TRPV4: variants seen among roughly 807,000 people sequenced by gnomAD.
The protein encoded by TRPV4 is OSM9-like transient receptor potential channel 4.
A neutral mutation model predicts 84.1 loss-of-function variants in TRPV4; 58 were observed. That is an observed-to-expected ratio of 0.69 (90% CI 0.56 to 0.86). The LOEUF (loss-of-function observed/expected upper bound fraction) is 0.86, where lower values mean the gene tolerates loss of function less well. TRPV4 is among the 40% of genes least tolerant of loss of function. The pLI, the probability that TRPV4 is intolerant of heterozygous loss-of-function variation, is 0.00. For missense variants in TRPV4, 879 were observed against 1,181.1 expected (o/e 0.74, Z 3.75); for synonymous variants, 489 against 500.9 (o/e 0.98, Z 0.32).
chr12:109,814,444 C>A lies in TRPV4; in HGVS notation c.353G>T (p.Ser118Ile), dbSNP rs1169923733. Reference protein sequence around the residue: ...FDYGTYRHHSSDNKRWRKKII... With the variant: ...FDYGTYRHHSIDNKRWRKKII... Reference sequence around the variant, plus strand: ...CTTCTTCCTCCACCTCTTGTTGTCACTGGAGTGGTGACGATAGGTGCCGTA... The same window carrying A: ...CTTCTTCCTCCACCTCTTGTTGTCAATGGAGTGGTGACGATAGGTGCCGTA... The change falls in exon 2 of 16, where the codon AGT (serine) becomes ATT (isoleucine). Residue 118 changes from serine (S) to isoleucine (I), a missense_variant. Around this residue, in one of 4 missense-constraint regions of TRPV4, gnomAD observed 521 missense variants for 686.6 expected, o/e 0.76. Transcript: ENST00000261740. This position sits in a 1 kb window ranked among gnomAD's most constrained non-coding sequence, Gnocchi z 5.4. 2 of 1,614,154 alleles carry A rather than the reference C, an allele frequency of 1.2e-6. No individual in the cohort carries two copies. Among genetic ancestry groups the A allele is most frequent in the Non-Finnish European group, 1.7e-6 (2 of 1,180,012 alleles).
At position 109,796,151 on chromosome 12, in the gene TRPV4, C is replaced by T. The variant is rs1890383636; in HGVS notation, c.1332+374G>A. Among the ~76,000 whole-genome samples the T allele has an allele frequency of 6.6e-6, 1 of 152,136 alleles. No individual in the cohort carries two copies. Among genetic ancestry groups the T allele is most frequent in the African/African-American group, 2.4e-5 (1 of 41,414 alleles). On this transcript the variant is annotated intron_variant, in intron 7 of 15. Transcript: ENST00000261740. This position sits in a 1 kb window ranked among gnomAD's most constrained non-coding sequence, Gnocchi z 4.2. ...CTGTGCCAAGCCATTCTAAAATTAA[C>T]CTCTTTGGTCCTCCCAAGAACCCCA...
At chr12:109,829,930 C>G (rs909503982) in intron 1 of TRPV4, among the ~76,000 whole-genome samples, 17 of 152,364 alleles carry the variant, frequency 1.1e-4, no homozygotes, top group African/African-American at 4.1e-4. Flanking sequence ...ATCCTCCCAC[C>G]TCAGCCTCTC....
intron 7 of TRPV4, 146 bp from the exon 8 acceptor site, chr12:109,794,633 GA>G: frequency 2.3e-6 from 2 of 856,908 alleles, no homozygotes. Flanking sequence ...ACGGATTCAT[GA>G]ATGGATTCAG....
Position 109,796,826 on chromosome 12 carries a change from C to T in TRPV4, c.1153-122G>A, listed in dbSNP as rs1198319062. 1.4e-5 allele frequency: 14 copies of T among 988,522 alleles called. No homozygotes were observed. The highest frequency in any genetic ancestry group is 2.0e-5 in the Non-Finnish European group (14 of 690,320). 61.2% of individuals were successfully genotyped at this position (988,522 alleles called of 1,614,324 possible). A position where few individuals can be genotyped will look rare whatever the true frequency, so the allele number is the denominator to read the frequency against. On this transcript the variant is annotated intron_variant, in intron 6 of 15. Transcript: ENST00000261740. This position sits in a 1 kb window ranked among gnomAD's most constrained non-coding sequence, Gnocchi z 4.2. ...AGCACCGGCTGCTGGAGGACCCTTTCCTCATCTTGTTTAATTCTTGCTCTT... is the reference window on the plus strand; with the variant it reads ...AGCACCGGCTGCTGGAGGACCCTTTTCTCATCTTGTTTAATTCTTGCTCTT...
At chr12:109,823,356 G>A (rs1892163451) in intron 1 of TRPV4, among the ~76,000 whole-genome samples, 1 of 152,226 alleles carries the variant, frequency 6.6e-6, no homozygotes, top group Admixed American at 6.5e-5. Flanking sequence ...GCCCCACGGA[G>A]GGCAAGGCCA....
chr12:109,817,086 G>A (rs1350678069), intron 1 of TRPV4, among the ~76,000 whole-genome samples: 1 of 152,136 alleles, frequency 6.6e-6, no homozygotes, highest in African/African-American at 2.4e-5. Context: ...CTGGAGACAC[G>A]AAGTCCTTTC....
chr12:109,807,105 C>G (rs1891189513), intron 3 of TRPV4, among the ~76,000 whole-genome samples: 1 of 151,854 alleles, frequency 6.6e-6, no homozygotes, highest in Non-Finnish European at 1.5e-5. Flanking sequence ...GGAGCGACCC[C>G]GTCTCTACTA....
intron 15 of TRPV4, 34 bp downstream of exon 15, chr12:109,784,282 T>C: frequency 1.2e-6 from 2 of 1,613,908 alleles, no homozygotes. Flanking sequence ...GAGAATGGAC[T>C]GGGGCTCCCC....
At position 109,794,038 on chromosome 12, in the gene TRPV4, G is replaced by T. The variant is rs1451614664; in HGVS notation, c.1492-16C>A. ...GGTACGGCGGCTGGGGAGCAGCAAGGGCACACAGGTCGTCACCCAGCCCCT... is the reference window on the plus strand; with the variant it reads ...GGTACGGCGGCTGGGGAGCAGCAAGTGCACACAGGTCGTCACCCAGCCCCT... On this transcript the variant is annotated splice_polypyrimidine_tract_variant and intron_variant, in intron 8 of 15. Coordinates refer to ENST00000261740, the MANE Select transcript of TRPV4 (RefSeq NM_021625.5). 3.1e-6 allele frequency: 5 copies of T among 1,591,950 alleles called. No homozygotes were observed. Among genetic ancestry groups the T allele is most frequent in the African/African-American group, 2.7e-5 (2 of 74,748 alleles).
At chr12:109,799,428 C>T (rs533864317) in intron 5 of TRPV4, among the ~76,000 whole-genome samples, 3 of 152,302 alleles carry the variant, frequency 2.0e-5, no homozygotes, top group Admixed American at 6.5e-5. Flanking sequence ...GGATTACAGG[C>T]GTGAGCCACC....
At chr12:109,794,918 T>G (rs11068312) in intron 7 of TRPV4, among the ~76,000 whole-genome samples, 60,768 of 151,952 alleles carry the variant, frequency 0.4, 12,627 homozygotes, top group East Asian at 0.77. Flanking sequence ...CTCCTAAGGC[T>G]GAGGCAGGAG....
chr12:109,822,075 G>A (rs1040482067), intron 1 of TRPV4, among the ~76,000 whole-genome samples: 4 of 152,130 alleles, frequency 2.6e-5, no homozygotes, highest in African/African-American at 9.7e-5. Flanking sequence ...GGAGGAGGAG[G>A]AGGAAGATAA....
At chr12:109,785,995 C>A (rs1048631959) in intron 14 of TRPV4, among the ~76,000 whole-genome samples, 4 of 152,140 alleles carry the variant, frequency 2.6e-5, no homozygotes, top group Admixed American at 1.3e-4. Context: ...CCTGAGCAAC[C>A]CTGCCTCTAA....
At chr12:109,810,718 G>C (rs1356341937) in intron 2 of TRPV4, among the ~76,000 whole-genome samples, 3 of 152,110 alleles carry the variant, frequency 2.0e-5, no homozygotes, top group African/African-American at 7.2e-5. Context: ...TTTGACCTTT[G>C]AGCCAAAAAA....
At chr12:109,802,930 C>T in intron 4 of TRPV4, 61 bp downstream of exon 4, 4 of 1,584,406 alleles carry the variant, frequency 2.5e-6, no homozygotes, top group Non-Finnish European at 3.5e-6. Flanking sequence ...AGGAGTCAGA[C>T]AAGCAAAGGA....
chr12:109,831,594 G>A (rs547418175), intron 1 of TRPV4, among the ~76,000 whole-genome samples: 20 of 152,374 alleles, frequency 1.3e-4, no homozygotes, highest in African/African-American at 4.6e-4. Flanking sequence ...TTTGCTGGAG[G>A]AGGGAGTAAG....
chr12:109,794,198 C>T, intron 8 of TRPV4, 131 bp downstream of exon 8: 1 of 1,293,314 alleles, frequency 7.7e-7, no homozygotes, highest in Non-Finnish European at 1.1e-6. Flanking sequence ...CTGGAGGGCG[C>T]CTCCCCAACC....
At chr12:109,790,648 G>C (rs1889968727) in intron 12 of TRPV4, among the ~76,000 whole-genome samples, 1 of 152,046 alleles carries the variant, frequency 6.6e-6, no homozygotes, top group South Asian at 2.1e-4. Context: ...TTGGGAGGCT[G>C]AGGCAGGAGG....
intron 3 of TRPV4, among the ~76,000 whole-genome samples, chr12:109,806,205 T>C (rs1891110072): frequency 6.6e-6 from 1 of 152,062 alleles, no homozygotes; most frequent in Non-Finnish European, 1.5e-5. Flanking sequence ...TATTTTCTTT[T>C]TTTTTTTGAG....
Sources: gnomAD v4.1 joint callset for allele counts (sites outside exome capture counted in the v4.1 genomes callset) on GRCh38, gnomAD v4.1.1 for gene constraint, gnomAD v4.1.1 regional missense constraint, Gnocchi (gnomAD v3.1) non-coding constraint, MANE v1.5 for transcripts, NCBI Gene and HGNC (gene_info 2026-07-23, HGNC 2026-07-21) for gene names.